Variants in DGKB observed in about 807,000 individuals in gnomAD.
DGKB encodes the protein 90 kDa diacylglycerol kinase.
DGKB carries 67 observed loss-of-function variants against 114.3 expected under a neutral mutation model. The observed-to-expected ratio is 0.59, with a 90% CI of 0.48 to 0.72. The LOEUF (loss-of-function observed/expected upper bound fraction) is 0.72, where lower values mean the gene tolerates loss of function less well. Ranked by LOEUF, DGKB falls within the 30% of genes least tolerant of loss-of-function variation. DGKB has a pLI of 0.00. For missense variants in DGKB, 907 were observed against 975.2 expected, an observed-to-expected ratio of 0.93 and a Z score of 0.93; for synonymous variants, 398 against 323.1, an observed-to-expected ratio of 1.23 and a Z score of -2.49.
chr7:14,559,273 C>T (rs908022077), intron 20 of DGKB, among the ~76,000 whole-genome samples: 2 of 151,954 alleles, frequency 1.3e-5, no homozygotes, highest in South Asian at 2.1e-4. Flanking sequence ...TTACATATAC[C>T]AAGTTTATTG....
At chr7:14,285,979 G>T (rs76781630) in intron 23 of DGKB, among the ~76,000 whole-genome samples, 24 of 152,240 alleles carry the variant, frequency 1.6e-4, no homozygotes, top group African/African-American at 5.8e-4. Context: ...CAATAGATCA[G>T]TATAGGTTTT....
chr7:14,202,334 A>G (rs1786025432), intron 23 of DGKB, among the ~76,000 whole-genome samples: 1 of 151,958 alleles, frequency 6.6e-6, no homozygotes, highest in South Asian at 2.1e-4. Flanking sequence ...AGTTCTTCCC[A>G]TGATATCATA....
intron 20 of DGKB, among the ~76,000 whole-genome samples, chr7:14,553,765 C>T (rs1180270979): frequency 6.6e-6 from 1 of 151,060 alleles, no homozygotes; most frequent in Non-Finnish European, 1.5e-5. Flanking sequence ...TTTTATTTCT[C>T]TCTGTCTCCT....
intron 2 of DGKB, among the ~76,000 whole-genome samples, chr7:14,766,929 G>C (rs886315998): frequency 6.6e-6 from 1 of 151,648 alleles, no homozygotes; most frequent in Non-Finnish European, 1.5e-5. Context: ...AGTTTAGCCA[G>C]AAGGAAATCA....
intron 21 of DGKB, among the ~76,000 whole-genome samples, chr7:14,438,826 T>A (rs1192851401): frequency 6.6e-6 from 1 of 152,076 alleles, no homozygotes; most frequent in Non-Finnish European, 1.5e-5. Flanking sequence ...CTTCCCTATA[T>A]CTTTTGAAAG....
At chr7:14,763,173 G>A (rs537441977) in intron 2 of DGKB, among the ~76,000 whole-genome samples, 5 of 151,798 alleles carry the variant, frequency 3.3e-5, no homozygotes, top group Admixed American at 3.3e-4. Context: ...TTTTTCCTCA[G>A]GAATCCCGCC....
intron 23 of DGKB, among the ~76,000 whole-genome samples, chr7:14,247,447 T>G (rs540396748): frequency 6.6e-6 from 1 of 152,270 alleles, no homozygotes; most frequent in African/African-American, 2.4e-5. Context: ...ATAATGGCTG[T>G]GCCAATTTAC....
chr7:14,218,520 T>G (rs1789377948), intron 23 of DGKB, among the ~76,000 whole-genome samples: 1 of 152,088 alleles, frequency 6.6e-6, no homozygotes, highest in African/African-American at 2.4e-5. Context: ...AAAGCTCTTT[T>G]TGTGCTTTGA....
At chr7:14,486,788 A>G (rs1783876525) in intron 20 of DGKB, among the ~76,000 whole-genome samples, 1 of 152,216 alleles carries the variant, frequency 6.6e-6, no homozygotes, top group Admixed American at 6.5e-5. Flanking sequence ...ACAGAAGTCT[A>G]AAAAGCACCA....
intron 1 of DGKB, among the ~76,000 whole-genome samples, chr7:14,877,033 C>A (rs1853394625): frequency 6.6e-6 from 1 of 152,102 alleles, no homozygotes; most frequent in Non-Finnish European, 1.5e-5. Context: ...CGAAGAAGCA[C>A]TAAATATGTG....
At chr7:14,553,227 C>A (rs1023056944) in intron 20 of DGKB, among the ~76,000 whole-genome samples, 7 of 152,218 alleles carry the variant, frequency 4.6e-5, no homozygotes, top group African/African-American at 1.7e-4. Flanking sequence ...CATGCTTTGT[C>A]ACTTTCCTTT....
intron 1 of DGKB, among the ~76,000 whole-genome samples, chr7:14,929,172 T>G (rs1207490975): frequency 6.6e-6 from 1 of 152,092 alleles, no homozygotes; most frequent in Non-Finnish European, 1.5e-5. Context: ...TTTGCTCTTG[T>G]GAATAATGCT....
intron 2 of DGKB, among the ~76,000 whole-genome samples, chr7:14,795,690 G>C (rs150792869): frequency 6.6e-6 from 1 of 152,104 alleles, no homozygotes; most frequent in African/African-American, 2.4e-5. Flanking sequence ...AGGTAGAGCT[G>C]GTTACCTGGC....
At chr7:14,967,795 A>G (rs1787246941) in intron 1 of DGKB, among the ~76,000 whole-genome samples, 1 of 152,096 alleles carries the variant, frequency 6.6e-6, no homozygotes, top group Non-Finnish European at 1.5e-5. Flanking sequence ...ATTGTTTAAA[A>G]TGCTAAAAGT....
rs1173622205 is a variant in DGKB at position 14,695,494 on chromosome 7, C to CTTTT, written c.592-1304_592-1301dup. Reference sequence around the variant, plus strand: ...AATGTTCATTTCTCTCTCTCTCTCTCTTTTTTTTTTTTTTTTTTTTTTTGA... The same window carrying CTTTT: ...AATGTTCATTTCTCTCTCTCTCTCTCTTTTTTTTTTTTTTTTTTTTTTTTTTTGA... On this transcript the variant is annotated intron_variant, in intron 8 of 25. Coordinates refer to ENST00000402815, the MANE Select transcript of DGKB (RefSeq NM_001350709.2). Among the ~76,000 whole-genome samples, 274 of 75,126 alleles carry CTTTT rather than the reference C, an allele frequency of 3.6e-3. 44 individuals carry two copies. The highest frequency in any genetic ancestry group is 0.012 in the African/African-American group (208 of 17,052). The allele number at this position is 75,126 out of a possible 152,430, so 49.3% of individuals were successfully genotyped here.
intron 23 of DGKB, among the ~76,000 whole-genome samples, chr7:14,269,510 T>C (rs1285391150): frequency 6.6e-6 from 1 of 152,218 alleles, no homozygotes; most frequent in East Asian, 1.9e-4. Context: ...ACGGTTAGTA[T>C]ATATTTTGAA....
At chr7:14,591,455 C>T (rs1801693746) in intron 17 of DGKB, among the ~76,000 whole-genome samples, 1 of 152,004 alleles carries the variant, frequency 6.6e-6, no homozygotes, top group East Asian at 1.9e-4. Flanking sequence ...AGCATTGATT[C>T]ACCTAGAGAG....
intron 16 of DGKB, among the ~76,000 whole-genome samples, chr7:14,609,266 G>T (rs182071685): frequency 6.6e-6 from 1 of 151,932 alleles, no homozygotes; most frequent in East Asian, 1.9e-4. Context: ...TCTTCAACAA[G>T]GCCAACAAAT....
chr7:14,490,638 C>T (rs1219683451), intron 20 of DGKB, among the ~76,000 whole-genome samples: 1 of 152,112 alleles, frequency 6.6e-6, no homozygotes, highest in Non-Finnish European at 1.5e-5. Context: ...TGAAGCTGTC[C>T]TACTGGCTTT....
Sources: gnomAD v4.1 joint callset for allele counts (sites outside exome capture counted in the v4.1 genomes callset) on GRCh38, gnomAD v4.1.1 for gene constraint, MANE v1.5 for transcripts, NCBI Gene and HGNC (gene_info 2026-07-23, HGNC 2026-07-21) for gene names.